SHOX2: variants seen among roughly 807,000 people sequenced by gnomAD.
The protein encoded by SHOX2 is short stature homeobox protein 2.
SHOX2 carries 13 observed loss-of-function variants against 31.3 expected under a neutral mutation model. The observed-to-expected ratio is 0.42, with a 90% CI of 0.27 to 0.66. The LOEUF (loss-of-function observed/expected upper bound fraction) is 0.66. Among genes scored for constraint, SHOX2 ranks in the 30% least tolerant of loss-of-function variants. The pLI is 0.27. For missense variants in SHOX2, 473 were observed against 443.0 expected (o/e 1.07, Z -0.61); for synonymous variants, 244 against 196.2 (o/e 1.24, Z -2.04).
At chr3:158,098,665 C>T (rs1242859526) in intron 4 of SHOX2, among the ~76,000 whole-genome samples, 2 of 152,204 alleles carry the variant, frequency 1.3e-5, no homozygotes, top group Non-Finnish European at 2.9e-5. Flanking sequence ...ATCTCTTACC[C>T]CACTACCAAA....
In SHOX2 at chr3:158,096,489, CAAATGTT is replaced by C. The variant is rs1177818433; in HGVS notation, c.*1531_*1537del. The stretch of plus-strand genomic sequence containing the variant: ...AGATACACCTTTGTGAGATAAAATG[CAAATGTT>C]GAAAGTCAGTCCACACATTATAGTC... On this transcript the variant is annotated 3_prime_UTR_variant, in exon 5 of 5. Coordinates refer to ENST00000483851, the MANE Select transcript of SHOX2 (RefSeq NM_001163678.2). 6.7e-6 allele frequency: 1 copy of C among 150,162 alleles called. No individual in the cohort carries two copies. Among genetic ancestry groups the C allele is most frequent in the Non-Finnish European group, 1.5e-5 (1 of 67,610 alleles). 9.3% of individuals were successfully genotyped at this position (150,162 alleles called of 1,614,324 possible).
Position 158,098,228 on chromosome 3 carries a change from A to G in SHOX2, c.759T>C (p.His253=). The G allele has an allele frequency of 6.2e-7, 1 of 1,613,930 alleles. No homozygotes were observed. Among genetic ancestry groups the G allele is most frequent in the Non-Finnish European group, 8.5e-7 (1 of 1,179,926 alleles). The part of the protein sequence containing the change: ...SAVAHAHHHL[H]PHLAAHAPYM... ...AGGGCGCGTGCGCGGCCAGGTGCGGATGCAGGTGGTGGTGCGCGTGCGCCA... is the reference window on the plus strand; with the variant it reads ...AGGGCGCGTGCGCGGCCAGGTGCGGGTGCAGGTGGTGGTGCGCGTGCGCCA... The change falls in exon 5 of 5, where the codon CAT becomes CAC. Residue 253 remains histidine (H), a synonymous_variant. Transcript: ENST00000483851.
intron 4 of SHOX2, 38 bp from the exon 5 acceptor site, chr3:158,098,322 T>C (rs763581560): frequency 6.2e-7 from 1 of 1,605,238 alleles, no homozygotes; most frequent in Non-Finnish European, 8.5e-7. Context: ...ATGACTATCC[T>C]AGGGTGACAA....
chr3:158,099,524 T>C (rs1713352398), intron 4 of SHOX2, among the ~76,000 whole-genome samples: 1 of 152,218 alleles, frequency 6.6e-6, no homozygotes, highest in South Asian at 2.1e-4. Flanking sequence ...AGAAATACCT[T>C]AGGACTAACC....
chr3:158,097,808 G>T lies in SHOX2; in HGVS notation c.*219C>A. On this transcript the variant is annotated 3_prime_UTR_variant, in exon 5 of 5. Transcript: ENST00000483851. ...TCTAGGCCCTCGAGTAGGAAAACGG[G>T]CAGGAGCCACGGAGCCTGCGTGCCT... 1 of 631,324 alleles carries T rather than the reference G, an allele frequency of 1.6e-6. No individual in the cohort carries two copies. The highest frequency in any genetic ancestry group is 2.7e-6 in the Non-Finnish European group (1 of 369,580). The allele number at this position is 631,324 out of a possible 1,614,324, so 39.1% of individuals were successfully genotyped here.
chr3:158,105,294 T>TA, intron 1 of SHOX2: 1 of 608,574 alleles, frequency 1.6e-6, no homozygotes, highest in Non-Finnish European at 2.9e-6. Flanking sequence ...AGGCTAGCTT[T>TA]AGTCCCGCCG....
chr3:158,099,755 G>A, intron 4 of SHOX2, 105 bp downstream of exon 4: 2 of 825,208 alleles, frequency 2.4e-6, no homozygotes, highest in South Asian at 1.6e-5. Flanking sequence ...CTCCAACTAT[G>A]CAGACATTGA....
intron 3 of SHOX2, 128 bp downstream of exon 3, chr3:158,100,126 T>A: frequency 1.0e-6 from 1 of 956,400 alleles, no homozygotes; most frequent in East Asian, 2.4e-5. Flanking sequence ...ATTAACAGCC[T>A]TTGAAGATTA....
intron 1 of SHOX2, among the ~76,000 whole-genome samples, chr3:158,104,374 G>C (rs1035810615): frequency 1.3e-5 from 2 of 152,258 alleles, no homozygotes; most frequent in African/African-American, 4.8e-5. Context: ...AGAGTCGCTA[G>C]ATCTCGGCCC....
chr3:158,100,046 G>T, intron 3 of SHOX2, 98 bp from the exon 4 acceptor site: 1 of 1,094,446 alleles, frequency 9.1e-7, no homozygotes, highest in Non-Finnish European at 1.4e-6. Context: ...CTTTGAAAAT[G>T]GACTATTATC....
intron 1 of SHOX2, chr3:158,103,306 TA>T (rs1445836609): frequency 3.9e-6 from 1 of 254,072 alleles, no homozygotes; most frequent in Non-Finnish European, 7.8e-6. Flanking sequence ...AGTCTGGACA[TA>T]AGGGCGCGGC....
chr3:158,097,945 G>T lies in SHOX2; in HGVS notation c.*82C>A, dbSNP rs1037769767. The T allele has an allele frequency of 3.0e-5, 45 of 1,511,840 alleles. No homozygotes were observed. The highest frequency in any genetic ancestry group is 2.4e-4 in the Middle Eastern group (1 of 4,116). The allele number at this position is 1,511,840 out of a possible 1,614,324, so 93.7% of individuals were successfully genotyped here. ...GGGCCGGCTCCCGAGGTCTCAAAGG[G>T]GTAACGGAGAAGCAGCGGGGCGCGG... On this transcript the variant is annotated 3_prime_UTR_variant, in exon 5 of 5. Transcript: ENST00000483851.
Position 158,106,151 on chromosome 3 carries a change from G to C in SHOX2, c.-127C>G. On this transcript the variant is annotated 5_prime_UTR_variant, in exon 1 of 5. Coordinates refer to ENST00000483851, the MANE Select transcript of SHOX2 (RefSeq NM_001163678.2). ...ATCAATGGGACAGGAGGTGGGGGAG[G>C]AGAGGGAGGAGGAGAAAGAAGAAGA... 1 of 1,434,266 alleles carries C rather than the reference G, an allele frequency of 7.0e-7. No individual in the cohort carries two copies. Among genetic ancestry groups the C allele is most frequent in the Non-Finnish European group, 9.4e-7 (1 of 1,067,986 alleles). The allele number at this position is 1,434,266 out of a possible 1,614,324, so 88.8% of individuals were successfully genotyped here.
intron 1 of SHOX2, chr3:158,105,291 C>T: frequency 1.6e-6 from 1 of 614,744 alleles, no homozygotes. Flanking sequence ...TAGAGGCTAG[C>T]TTTAGTCCCG....
chr3:158,102,677 C>T lies in SHOX2; in HGVS notation c.555+1G>A. 1 of 1,613,726 alleles carries T rather than the reference C, an allele frequency of 6.2e-7. No homozygotes were observed. The highest frequency in any genetic ancestry group is 8.5e-7 in the Non-Finnish European group (1 of 1,179,722). ...CCCTCGACCTCCTGGCAGCTGGGTA[C>T]CTGCACTCGGGCCTCCGACAGGCCC... On this transcript the variant is annotated splice_donor_variant, in intron 2 of 4. Coordinates refer to ENST00000483851, the MANE Select transcript of SHOX2 (RefSeq NM_001163678.2). LOFTEE classifies it high-confidence loss of function.
intron 2 of SHOX2, among the ~76,000 whole-genome samples, chr3:158,102,177 T>C (rs1713533016): frequency 6.6e-6 from 1 of 152,214 alleles, no homozygotes; most frequent in Non-Finnish European, 1.5e-5. Context: ...ACTTAACAGT[T>C]ACTAATTTTC....
At chr3:158,100,397 G>A in intron 2 of SHOX2, 86 bp from the exon 3 acceptor site, 2 of 1,001,152 alleles carry the variant, frequency 2.0e-6, no homozygotes, top group South Asian at 1.8e-5. Context: ...AGAGAAAAGA[G>A]TCGTGGTTTA....
At chr3:158,102,092 CAA>C (rs1483895107) in intron 2 of SHOX2, among the ~76,000 whole-genome samples, 1 of 152,166 alleles carries the variant, frequency 6.6e-6, no homozygotes, top group Non-Finnish European at 1.5e-5. Context: ...AAAGAGTGAC[CAA>C]AATGCGTTTA....
At position 158,098,020 on chromosome 3, in the gene SHOX2, G is replaced by A. The variant is rs1223315910; in HGVS notation, c.*7C>T. 1.9e-6 allele frequency: 3 copies of A among 1,582,668 alleles called. No homozygotes were observed. The highest frequency in any genetic ancestry group is 8.6e-7 in the Non-Finnish European group (1 of 1,162,324). On this transcript the variant is annotated 3_prime_UTR_variant, in exon 5 of 5. Transcript: ENST00000483851. ...GGACAGGCGCGACATTGGTGCTGGC[G>A]TTGGCGTCACAGACCCAGGGCTGCG...
Sources: gnomAD v4.1 joint callset for allele counts (sites outside exome capture counted in the v4.1 genomes callset) on GRCh38, gnomAD v4.1.1 for gene constraint, MANE v1.5 for transcripts, NCBI Gene and HGNC (gene_info 2026-07-23, HGNC 2026-07-21) for gene names.